The following RGS6 variants were observed in gnomAD, a reference collection of about 807,000 sequenced individuals.
The protein encoded by RGS6 is regulator of G protein signaling 6, also known as regulator of G-protein signaling 6.
Under a neutral mutation model 78.5 loss-of-function variants are expected in RGS6, and 30 were observed. That is an observed-to-expected ratio of 0.38 (90% confidence interval 0.29 to 0.52). The LOEUF (loss-of-function observed/expected upper bound fraction) is 0.52. RGS6 is among the 20% of genes least tolerant of loss of function. The pLI, the probability that RGS6 is intolerant of heterozygous loss-of-function variation, is 0.85. For missense variants in RGS6, 495 were observed against 609.7 expected, an observed-to-expected ratio of 0.81 and a Z score of 1.98; for synonymous variants, 206 against 206.0, an observed-to-expected ratio of 1.00 and a Z score of 0.00.
At chr14:71,880,931 C>T in the RGS6 span, among the ~76,000 whole-genome samples, 1 of 152,244 alleles carries the variant, frequency 6.6e-6, no homozygotes, top group African/African-American at 2.4e-5. Flanking sequence ...ACACTCAATG[C>T]CAGCCTGTGA....
intron 2 of RGS6, among the ~76,000 whole-genome samples, chr14:72,297,378 G>A (rs1054587988): frequency 5.3e-5 from 8 of 149,828 alleles, no homozygotes; most frequent in African/African-American, 2.0e-4. Flanking sequence ...AACATCTTAA[G>A]AATATTGAGT....
In RGS6 at chr14:72,478,305, T is replaced by G. The variant is rs776446246; in HGVS notation, c.830T>G (p.Leu277Trp). 6.2e-7 allele frequency: 1 copy of G among 1,611,828 alleles called. No individual in the cohort carries two copies. Among genetic ancestry groups the G allele is most frequent in the Non-Finnish European group, 8.5e-7 (1 of 1,178,150 alleles). ...FLNAQIDRHC[L>W]KMSKVAESLI... ...AACGCACAGATCGACAGACATTGTT[T>G]GAAAATGTCCAAAGTGGCTGAAAGG... Residue 277 changes from leucine to tryptophan, a missense_variant, in exon 12 of 18, where the codon TTG becomes TGG. Transcript: ENST00000553525.
intron 3 of RGS6, among the ~76,000 whole-genome samples, chr14:72,378,807 TGAA>T (rs1307916454): frequency 6.6e-6 from 1 of 152,130 alleles, no homozygotes; most frequent in East Asian, 1.9e-4. Context: ...TCCAAAAATT[TGAA>T]GTAGAGGAAA....
chr14:72,531,923 G>C (rs542277234), intron 15 of RGS6, among the ~76,000 whole-genome samples: 52 of 152,294 alleles, frequency 3.4e-4, no homozygotes, highest in African/African-American at 1.2e-3. Flanking sequence ...CTCTAATTAT[G>C]TGGTGTCCTT....
intron 2 of RGS6, among the ~76,000 whole-genome samples, chr14:72,316,165 G>A (rs1259341394): frequency 3.9e-5 from 6 of 152,164 alleles, no homozygotes; most frequent in African/African-American, 1.4e-4. Context: ...GAAATACATG[G>A]TTAAGATTGT....
intron 2 of RGS6, among the ~76,000 whole-genome samples, chr14:72,154,292 C>T (rs952834284): frequency 3.9e-5 from 6 of 152,060 alleles, no homozygotes; most frequent in Admixed American, 1.3e-4. Context: ...TTCAAACACA[C>T]GTTTTACAAT....
At chr14:72,041,785 A>G (rs1396828801) in intron 2 of RGS6, among the ~76,000 whole-genome samples, 1 of 152,040 alleles carries the variant, frequency 6.6e-6, no homozygotes, top group African/African-American at 2.4e-5. Flanking sequence ...ATTGTTGGTA[A>G]GTCTGTGGGG....
intron 6 of RGS6, among the ~76,000 whole-genome samples, chr14:72,460,345 AG>A (rs1448180447): frequency 6.6e-6 from 1 of 152,222 alleles, no homozygotes; most frequent in Non-Finnish European, 1.5e-5. Flanking sequence ...TGAGGCCCAG[AG>A]GGGCCACACC....
At chr14:72,417,419 G>A (rs770337884) in intron 3 of RGS6, among the ~76,000 whole-genome samples, 16 of 152,226 alleles carry the variant, frequency 1.1e-4, no homozygotes, top group Non-Finnish European at 2.2e-4. Context: ...AGCTGAGCTG[G>A]AAAGGGGGTT....
intron 2 of RGS6, among the ~76,000 whole-genome samples, chr14:72,085,016 C>A (rs1342300932): frequency 6.6e-6 from 1 of 152,138 alleles, no homozygotes; most frequent in Non-Finnish European, 1.5e-5. Flanking sequence ...AGAAGACAAC[C>A]ACTTTGGGCA....
intron 4 of RGS6, among the ~76,000 whole-genome samples, chr14:72,455,989 G>A (rs558237171): frequency 6.6e-6 from 1 of 152,088 alleles, no homozygotes; most frequent in African/African-American, 2.4e-5. Context: ...CTAAATTGGC[G>A]AGCAGTATGT....
chr14:72,059,992 T>G (rs1015763588), intron 2 of RGS6, among the ~76,000 whole-genome samples: 1 of 152,130 alleles, frequency 6.6e-6, no homozygotes, highest in Non-Finnish European at 1.5e-5. Context: ...GTTCAATGAT[T>G]TACTTCCTTG....
chr14:71,887,899 CAT>C, the RGS6 span, among the ~76,000 whole-genome samples: 1 of 152,138 alleles, frequency 6.6e-6, no homozygotes, highest in Non-Finnish European at 1.5e-5. Context: ...CCCTTTGAAA[CAT>C]GTGATCTTTG....
At chr14:72,333,002 C>T (rs548126041) in intron 2 of RGS6, among the ~76,000 whole-genome samples, 1 of 152,152 alleles carries the variant, frequency 6.6e-6, no homozygotes, top group Non-Finnish European at 1.5e-5. Flanking sequence ...GTGTGGCAGT[C>T]TGCAGTTTAA....
At chr14:72,018,748 C>T (rs1371333966) in intron 2 of RGS6, among the ~76,000 whole-genome samples, 1 of 152,174 alleles carries the variant, frequency 6.6e-6, no homozygotes, top group Non-Finnish European at 1.5e-5. Context: ...TAAATGCCTA[C>T]TCCCCCTGGA....
chr14:72,214,714 C>G (rs1222230179), intron 2 of RGS6, among the ~76,000 whole-genome samples: 1 of 151,966 alleles, frequency 6.6e-6, no homozygotes, highest in Non-Finnish European at 1.5e-5. Context: ...GTCTTAGCTA[C>G]TTGGGAGGCT....
intron 2 of RGS6, among the ~76,000 whole-genome samples, chr14:72,081,384 G>A (rs997980632): frequency 6.6e-6 from 1 of 151,950 alleles, no homozygotes. Context: ...GATCTTTTCT[G>A]TTTACTTTTT....
At chr14:72,347,965 T>G (rs2078375660) in intron 2 of RGS6, among the ~76,000 whole-genome samples, 1 of 152,164 alleles carries the variant, frequency 6.6e-6, no homozygotes, top group Admixed American at 6.5e-5. Context: ...GCTCAAGATT[T>G]AATGGGTTGT....
upstream of RGS6, among the ~76,000 whole-genome samples, chr14:71,932,241 G>A (rs1734156111): frequency 3.9e-5 from 6 of 152,072 alleles, no homozygotes; most frequent in South Asian, 1.2e-3. Flanking sequence ...CAGGTGAGCC[G>A]TGCGGCGGCG....
Sources: allele counts gnomAD v4.1 joint callset (sites outside exome capture counted in the v4.1 genomes callset), GRCh38; gene constraint gnomAD v4.1.1; transcripts MANE v1.5; gene names NCBI Gene and HGNC (gene_info 2026-07-23, HGNC 2026-07-21).